ZNF821: variants seen among roughly 807,000 people sequenced by gnomAD.
The protein encoded by ZNF821 is zinc finger protein 821.
A neutral mutation model predicts 44.3 loss-of-function variants in ZNF821; 16 were observed. That is an observed-to-expected ratio of 0.36 (90% confidence interval 0.24 to 0.55). The LOEUF is 0.55. ZNF821 is among the 20% of genes least tolerant of loss of function. ZNF821 has a pLI of 0.86. For synonymous variants in ZNF821, 204 were observed against 197.6 expected (o/e 1.03, Z -0.27); for missense variants, 436 against 547.6 (o/e 0.80, Z 2.03).
In ZNF821 at chr16:71,883,139, G is replaced by A. The variant is rs534698345; in HGVS notation, c.-78+72C>T. On this transcript the variant is annotated intron_variant, in intron 2 of 7. Transcript: ENST00000425432. ...CAGGTATTAGGTTGCAGCGTCTAGG[G>A]CACACCACAGACTTTGGCAAGAAAA... 734 of 456,392 alleles carry A rather than the reference G, an allele frequency of 1.6e-3. 1 individual carries two copies. Among genetic ancestry groups the A allele is most frequent in the Non-Finnish European group, 2.5e-3 (568 of 226,790 alleles). The allele number at this position is 456,392 out of a possible 1,614,324, so 28.3% of individuals were successfully genotyped here.
intron 3 of ZNF821, among the ~76,000 whole-genome samples, chr16:71,876,773 A>G (rs922212500): frequency 5.3e-5 from 8 of 151,802 alleles, no homozygotes; most frequent in African/African-American, 1.7e-4. Flanking sequence ...TCGCCCAGCT[A>G]ATTTTTGTAT....
At position 71,861,804 on chromosome 16, in the gene ZNF821, G is replaced by A. The variant is rs1321704177; in HGVS notation, c.556C>T (p.Arg186Trp). The change falls in exon 7 of 8, where the codon CGG (arginine) becomes TGG (tryptophan). Residue 186 changes from arginine to tryptophan, a missense_variant. By Grantham distance (101) the Arg-to-Trp change is moderately radical. Coordinates refer to ENST00000425432, the MANE Select transcript of ZNF821 (RefSeq NM_001201552.2). ...TTAAAAGTGGCATGGCTGGTGAACC[G>A]GGCTCCACACACAGCACAGTTAGAT... ...QRSNCAVCGARFTSHATFNSE... is the reference protein window; with the variant it reads ...QRSNCAVCGAWFTSHATFNSE... 4 of 1,613,998 alleles carry A rather than the reference G, an allele frequency of 2.5e-6. No individual in the cohort carries two copies. The highest frequency in any genetic ancestry group is 1.3e-5 in the African/African-American group (1 of 74,922).
At chr16:71,881,594 C>T (rs1453891081) in intron 2 of ZNF821, 1 of 152,182 alleles carries the variant, frequency 6.6e-6, no homozygotes, top group Non-Finnish European at 1.5e-5. Flanking sequence ...TTCACGGAAG[C>T]AGTGAATGAA....
At chr16:71,886,651 A>G (rs539912710), upstream of ZNF821, among the ~76,000 whole-genome samples, 9 of 152,292 alleles carry the variant, frequency 5.9e-5, no homozygotes, top group Admixed American at 1.3e-4. Context: ...CTCATGTTAC[A>G]TTTTTTTAAA....
chr16:71,871,542 A>C (rs914718178), intron 3 of ZNF821, among the ~76,000 whole-genome samples: 2 of 152,372 alleles, frequency 1.3e-5, no homozygotes, highest in Admixed American at 6.5e-5. Flanking sequence ...ATAATGTCTA[A>C]TGTGATCTAT....
At chr16:71,894,718 T>TTC in intron 1 of ZNF821, 1 of 567,560 alleles carries the variant, frequency 1.8e-6, no homozygotes, top group Non-Finnish European at 3.0e-6. Flanking sequence ...TTTTTTTTTG[T>TTC]AGCGATGCGG....
Position 71,860,727 on chromosome 16 carries a change from TCCAGCC to T in ZNF821, c.585-61_585-56del. The T allele has an allele frequency of 6.4e-7, 1 of 1,555,440 alleles. No individual in the cohort carries two copies. Among genetic ancestry groups the T allele is most frequent in the Admixed American group, 1.8e-5 (1 of 56,162 alleles). ...GTTTCCTTCTAGCAAGAGTCGGGACTCCAGCCCTGCCTTATTCTTTTCCTATGAGGC... is the reference window on the plus strand; with the variant it reads ...GTTTCCTTCTAGCAAGAGTCGGGACTCTGCCTTATTCTTTTCCTATGAGGC... On this transcript the variant is annotated intron_variant, in intron 7 of 7. Coordinates refer to ENST00000425432, the MANE Select transcript of ZNF821 (RefSeq NM_001201552.2). This position sits in a 1 kb window ranked among gnomAD's most constrained non-coding sequence, Gnocchi z 7.3.
intron 3 of ZNF821, among the ~76,000 whole-genome samples, chr16:71,877,625 A>G (rs1249164122): frequency 1.3e-5 from 2 of 151,682 alleles, no homozygotes; most frequent in African/African-American, 4.8e-5. Context: ...GTCCTCTCCA[A>G]TGTAGGGTTT....
At chr16:71,870,279 C>T (rs1170231951) in intron 3 of ZNF821, among the ~76,000 whole-genome samples, 1 of 151,780 alleles carries the variant, frequency 6.6e-6, no homozygotes, top group Non-Finnish European at 1.5e-5. Context: ...AGCTACATAT[C>T]CCTCAAGGAA....
upstream of ZNF821, among the ~76,000 whole-genome samples, chr16:71,886,206 G>A (rs534774405): frequency 6.6e-6 from 1 of 152,238 alleles, no homozygotes; most frequent in South Asian, 2.1e-4. Context: ...TGTGATTCAA[G>A]GTTACAACCA....
intron 3 of ZNF821, among the ~76,000 whole-genome samples, chr16:71,875,887 T>C (rs2035760383): frequency 6.6e-6 from 1 of 152,116 alleles, no homozygotes; most frequent in African/African-American, 2.4e-5. Context: ...GCGTGAGCTA[T>C]CACGCCTAGC....
chr16:71,860,856 C>CTTT lies in ZNF821; in HGVS notation c.585-187_585-185dup, dbSNP rs36005705. 5.1e-5 allele frequency among the ~76,000 whole-genome samples: 7 copies of CTTT among 135,968 alleles called. No homozygotes were observed. Among genetic ancestry groups the CTTT allele is most frequent in the Non-Finnish European group, 6.3e-5 (4 of 63,860 alleles). The allele number at this position is 135,968 out of a possible 152,430, so 89.2% of individuals were successfully genotyped here. A position where few individuals can be genotyped will look rare whatever the true frequency, so the allele number is the denominator to read the frequency against. On this transcript the variant is annotated intron_variant, in intron 7 of 7. Transcript: ENST00000425432. The surrounding 1 kb of genome is among the most constrained non-coding windows in gnomAD (Gnocchi z 7.3). The stretch of plus-strand genomic sequence containing the variant: ...TCTTCGCGTGAGAGTTGTCTACCAA[C>CTTT]TTTTTTTTTTTTTTTTTGAGACAGA...
intron 3 of ZNF821, 67 bp from the exon 4 acceptor site, chr16:71,868,104 G>A (rs1217534573): frequency 6.7e-7 from 1 of 1,500,948 alleles, no homozygotes; most frequent in Non-Finnish European, 8.9e-7. Context: ...AAGCTGGTTG[G>A]AAGGTCAGAC....
upstream of ZNF821, chr16:71,884,772 T>C (rs11075906): frequency 0.25 from 37,837 of 151,876 alleles, 4,951 homozygotes; most frequent in Non-Finnish European, 0.28. Context: ...TAAAATAACA[T>C]TGGCTGCAGA....
chr16:71,894,975 C>A, exon 1 of ZNF821: 1 of 738,110 alleles, frequency 1.4e-6, no homozygotes, highest in Middle Eastern at 2.6e-4. Context: ...GATGCTGGTC[C>A]AAAGGGCAAC....
intron 7 of ZNF821, among the ~76,000 whole-genome samples, chr16:71,861,150 G>A (rs141564623): frequency 0.017 from 2,560 of 152,304 alleles, 27 homozygotes; most frequent in Middle Eastern, 0.027. Flanking sequence ...CACTGTGCCC[G>A]GCCGGGTGTC....
intron 3 of ZNF821, among the ~76,000 whole-genome samples, chr16:71,872,520 G>A (rs1023212284): frequency 1.3e-5 from 2 of 152,156 alleles, no homozygotes; most frequent in African/African-American, 4.8e-5. Flanking sequence ...GGCTGAGGCA[G>A]GAGAATGGAG....
Position 71,867,746 on chromosome 16 carries a change from A to G in ZNF821, c.166+166T>C, listed in dbSNP as rs901347158. On this transcript the variant is annotated intron_variant, in intron 4 of 7. Transcript: ENST00000425432. ...CCAAACCTGTCCTCTTTTTCTGGAT[A>G]AACACATGCCCACACACCTTAGACC... 3 of 674,252 alleles carry G rather than the reference A, an allele frequency of 4.4e-6. No individual in the cohort carries two copies. The East Asian group carries it at 1.0e-4, about 23-fold the overall frequency. The allele number at this position is 674,252 out of a possible 1,614,324, so 41.8% of individuals were successfully genotyped here.
rs199779560 is a variant in ZNF821, at chr16:71,860,183, T to C, written c.1074A>G (p.Lys358=). 44 of 1,614,192 alleles carry C rather than the reference T, an allele frequency of 2.7e-5. No homozygotes were observed. Among genetic ancestry groups the C allele is most frequent in the Non-Finnish European group, 2.5e-5 (29 of 1,180,020 alleles). ...EAKRLKRRLE[K]MDMMLRAQFG... The stretch of plus-strand genomic sequence containing the variant: ...ACTGAGCTCGCAACATCATGTCCAT[T>C]TTCTCCAGCCTCCTCTTGAGCCGCT... Residue 358 remains lysine (K), a synonymous_variant, in exon 8 of 8, where the codon AAA becomes AAG. Coordinates refer to ENST00000425432, the MANE Select transcript of ZNF821 (RefSeq NM_001201552.2). The surrounding 1 kb of genome is among the most constrained non-coding windows in gnomAD (Gnocchi z 7.3).
Sources: gnomAD v4.1 joint callset for allele counts (sites outside exome capture counted in the v4.1 genomes callset) on GRCh38, gnomAD v4.1.1 for gene constraint, Gnocchi (gnomAD v3.1) non-coding constraint, MANE v1.5 for transcripts, NCBI Gene and HGNC (gene_info 2026-07-23, HGNC 2026-07-21) for gene names.